KCNH7: variants seen among roughly 807,000 people sequenced by gnomAD.
The protein encoded by KCNH7 is potassium voltage-gated channel subfamily H member 7.
Under a neutral mutation model 120.8 loss-of-function variants are expected in KCNH7, and 49 were observed. The ratio of observed to expected loss-of-function variants is 0.41; its 90% CI spans 0.32 to 0.51. The LOEUF (loss-of-function observed/expected upper bound fraction) is 0.51. Among genes scored for constraint, KCNH7 ranks in the 20% least tolerant of loss-of-function variants. The pLI, the probability that KCNH7 is intolerant of heterozygous loss-of-function variation, is 0.38. For synonymous variants in KCNH7, 547 were observed against 516.1 expected (o/e 1.06, Z -0.81); for missense variants, 1,097 against 1,446.6 (o/e 0.76, Z 3.92).
intron 2 of KCNH7, among the ~76,000 whole-genome samples, chr2:162,552,684 A>G (rs1158730551): frequency 6.6e-6 from 1 of 152,230 alleles, no homozygotes; most frequent in African/African-American, 2.4e-5. Flanking sequence ...TGGTCACAGA[A>G]GAGGAAGTCA....
intron 2 of KCNH7, among the ~76,000 whole-genome samples, chr2:162,541,057 G>A (rs1229585961): frequency 1.3e-5 from 2 of 152,100 alleles, no homozygotes; most frequent in Non-Finnish European, 2.9e-5. Context: ...TTATTAAAAT[G>A]GGGAAGACTG....
At chr2:162,461,467 C>A (rs1403002087) in intron 6 of KCNH7, among the ~76,000 whole-genome samples, 1 of 152,154 alleles carries the variant, frequency 6.6e-6, no homozygotes, top group Non-Finnish European at 1.5e-5. Flanking sequence ...CATAATAATA[C>A]ATTTTTAGGG....
At chr2:162,752,931 A>AAG (rs1249407767) in intron 2 of KCNH7, among the ~76,000 whole-genome samples, 1 of 86,380 alleles carries the variant, frequency 1.2e-5, no homozygotes, top group African/African-American at 7.4e-5. Context: ...AAGAAAAGAA[A>AAG]AGAAAAGAAA....
At chr2:162,698,614 C>G (rs971704961) in intron 2 of KCNH7, among the ~76,000 whole-genome samples, 2 of 151,986 alleles carry the variant, frequency 1.3e-5, no homozygotes, top group Non-Finnish European at 2.9e-5. Context: ...AGAAAGAGCA[C>G]CGCTTCACAT....
chr2:162,589,277 A>G (rs1694123146), intron 2 of KCNH7, among the ~76,000 whole-genome samples: 1 of 152,004 alleles, frequency 6.6e-6, no homozygotes, highest in South Asian at 2.1e-4. Flanking sequence ...CTCACTATTT[A>G]CTGAACAAAA....
intron 3 of KCNH7, among the ~76,000 whole-genome samples, chr2:162,530,575 T>C (rs991408516): frequency 6.6e-6 from 1 of 152,060 alleles, no homozygotes; most frequent in Admixed American, 6.6e-5. Flanking sequence ...AATACCATTG[T>C]ATACTTCTTT....
intron 2 of KCNH7, among the ~76,000 whole-genome samples, chr2:162,541,395 T>C (rs1692298267): frequency 6.6e-6 from 1 of 152,072 alleles, no homozygotes; most frequent in Non-Finnish European, 1.5e-5. Flanking sequence ...GGTAGAAAGA[T>C]AATCAAGATT....
At chr2:162,695,882 G>A (rs1475847163) in intron 2 of KCNH7, among the ~76,000 whole-genome samples, 3 of 152,082 alleles carry the variant, frequency 2.0e-5, no homozygotes, top group Non-Finnish European at 4.4e-5. Flanking sequence ...TGAAATCTTG[G>A]AAAGCAAACC....
intron 2 of KCNH7, among the ~76,000 whole-genome samples, chr2:162,752,717 G>T (rs1688597820): frequency 6.6e-6 from 1 of 151,166 alleles, no homozygotes; most frequent in Non-Finnish European, 1.5e-5. Context: ...TGGACAACAT[G>T]GTGAAACCCC....
At chr2:162,669,924 AC>A (rs1353800524) in intron 2 of KCNH7, among the ~76,000 whole-genome samples, 11 of 151,888 alleles carry the variant, frequency 7.2e-5, no homozygotes, top group Non-Finnish European at 4.4e-5. Context: ...ACATGGTGAA[AC>A]CCTGTCTCTA....
chr2:162,817,633 C>T (rs981104444), intron 2 of KCNH7, among the ~76,000 whole-genome samples: 2 of 152,050 alleles, frequency 1.3e-5, no homozygotes, highest in African/African-American at 4.8e-5. Flanking sequence ...TATAATGAAA[C>T]AGTATACAGT....
chr2:162,555,527 T>A (rs1477270827), intron 2 of KCNH7, among the ~76,000 whole-genome samples: 1 of 152,240 alleles, frequency 6.6e-6, no homozygotes, highest in African/African-American at 2.4e-5. Flanking sequence ...TGTCTTCAGA[T>A]ATGTGTGCAT....
chr2:162,741,277 T>TATTAGTTATACATATTAATAACATATGTC (rs1688122893), intron 2 of KCNH7, among the ~76,000 whole-genome samples: 2 of 149,638 alleles, frequency 1.3e-5, no homozygotes, highest in African/African-American at 4.9e-5. Context: ...TAACATATGT[T>TATTAGTTATACATATTAATAACATATGTC]ATTAGTTATA....
chr2:162,819,796 C>A (rs1014265065), intron 2 of KCNH7, among the ~76,000 whole-genome samples: 52 of 152,292 alleles, frequency 3.4e-4, no homozygotes, highest in African/African-American at 1.1e-3. Flanking sequence ...ATGTGCTATT[C>A]TTTTCTAATA....
chr2:162,433,112 G>A (rs1688123111), intron 8 of KCNH7, among the ~76,000 whole-genome samples: 1 of 152,006 alleles, frequency 6.6e-6, no homozygotes, highest in Admixed American at 6.6e-5. Flanking sequence ...ACAAAACACT[G>A]CTGAAAGAAA....
intron 2 of KCNH7, among the ~76,000 whole-genome samples, chr2:162,563,458 TTTG>T (rs1693144252): frequency 6.6e-6 from 1 of 152,174 alleles, no homozygotes; most frequent in Admixed American, 6.6e-5. Flanking sequence ...CAGTGGTGGT[TTTG>T]CTTGCATGGC....
chr2:162,481,272 A>C (rs1689922303), intron 6 of KCNH7, among the ~76,000 whole-genome samples: 1 of 152,086 alleles, frequency 6.6e-6, no homozygotes, highest in Non-Finnish European at 1.5e-5. Flanking sequence ...AACAAAAAAA[A>C]TTATTTGCAG....
At chr2:162,710,139 C>A (rs982767479) in intron 2 of KCNH7, among the ~76,000 whole-genome samples, 2 of 152,058 alleles carry the variant, frequency 1.3e-5, no homozygotes, top group Non-Finnish European at 2.9e-5. Context: ...TGCTCCATAT[C>A]GTATGAAATA....
chr2:162,739,117 C>G (rs908987686), intron 2 of KCNH7, among the ~76,000 whole-genome samples: 1 of 152,178 alleles, frequency 6.6e-6, no homozygotes, highest in Non-Finnish European at 1.5e-5. Context: ...TTGGGAGCCT[C>G]AGATGCCCCC....
Sources: gnomAD v4.1 joint callset for allele counts (sites outside exome capture counted in the v4.1 genomes callset) on GRCh38, gnomAD v4.1.1 for gene constraint, MANE v1.5 for transcripts, NCBI Gene and HGNC (gene_info 2026-07-23, HGNC 2026-07-21) for gene names.